The following FBN2 variants were observed in gnomAD, a reference collection of about 807,000 sequenced individuals.
FBN2 encodes the protein fibrillin-2.
In FBN2, 105 loss-of-function variants were observed where a neutral mutation model predicts 355.6. That is an observed-to-expected ratio of 0.30 (90% CI 0.25 to 0.35). FBN2 has a LOEUF of 0.35. Ranked by LOEUF, FBN2 falls within the 10% of genes least tolerant of loss-of-function variation. The pLI, the probability that FBN2 is intolerant of heterozygous loss-of-function variation, is 1.00. For missense variants in FBN2, 3,280 were observed against 3,758.7 expected (o/e 0.87, Z 3.33); for synonymous variants, 1,350 against 1,301.2 (o/e 1.04, Z -0.81).
At chr5:128,348,179 G>A (rs1455866209) in intron 23 of FBN2, among the ~76,000 whole-genome samples, 5 of 152,140 alleles carry the variant, frequency 3.3e-5, no homozygotes, top group African/African-American at 1.2e-4. Context: ...TTTCATTATA[G>A]AAGGTAACTT....
chr5:128,395,282 T>C lies in FBN2; in HGVS notation c.1079-8A>G, dbSNP rs761013637. 6.2e-7 allele frequency: 1 copy of C among 1,614,026 alleles called. No homozygotes were observed. The highest frequency in any genetic ancestry group is 8.5e-7 in the Non-Finnish European group (1 of 1,179,994). ...ACATGCCTGTTCTCTGATCTGTGCA[T>C]GTATAAATAAGACAGAAGATATGGC... On this transcript the variant is annotated splice_polypyrimidine_tract_variant and splice_region_variant and intron_variant, in intron 8 of 64. Transcript: ENST00000262464.
At chr5:128,340,253 T>C (rs1457756719) in intron 25 of FBN2, among the ~76,000 whole-genome samples, 1 of 152,166 alleles carries the variant, frequency 6.6e-6, no homozygotes, top group East Asian at 1.9e-4. Flanking sequence ...AATTTTGAAG[T>C]TTTAAAATCA....
At chr5:128,530,530 A>G in intron 3 of FBN2, 65 bp downstream of exon 3, 3 of 1,042,730 alleles carry the variant, frequency 2.9e-6, no homozygotes, top group Non-Finnish European at 4.5e-6. Context: ...ACATAGAAGG[A>G]CCTTTAGCAT....
intron 5 of FBN2, among the ~76,000 whole-genome samples, chr5:128,480,029 TAC>T (rs762120121): frequency 0.067 from 6,989 of 103,616 alleles, 360 homozygotes; most frequent in African/African-American, 0.11. Context: ...TATATGTATA[TAC>T]ACACACACAC....
At chr5:128,385,081 A>G (rs1752330764) in intron 11 of FBN2, among the ~76,000 whole-genome samples, 1 of 152,100 alleles carries the variant, frequency 6.6e-6, no homozygotes, top group South Asian at 2.1e-4. Flanking sequence ...TTTTACATTC[A>G]GGGAGTACAA....
chr5:128,390,425 T>C (rs565424609), intron 11 of FBN2, among the ~76,000 whole-genome samples: 4 of 152,182 alleles, frequency 2.6e-5, no homozygotes, highest in South Asian at 2.1e-4. Context: ...AGAGCAATGA[T>C]AGTTGCTTAG....
chr5:128,332,924 T>G lies in FBN2; in HGVS notation c.4210A>C (p.Ile1404Leu). 1 of 1,614,020 alleles carries G rather than the reference T, an allele frequency of 6.2e-7. No homozygotes were observed. Among genetic ancestry groups the G allele is most frequent in the African/African-American group, 1.3e-5 (1 of 75,046 alleles). The stretch of plus-strand genomic sequence containing the variant: ...TTTGCAAACTCACCAATACACTTGA[T>G]GCCGTTTCCAATCCAGCCTTCTCTG... ...SCREGWIGNG[I>L]KCIDLDECSN... The change falls in exon 32 of 65, where the codon ATC (isoleucine) becomes CTC (leucine). Residue 1404 changes from isoleucine to leucine, a missense_variant. By Grantham distance (5) the Ile-to-Leu change is conservative. Coordinates refer to ENST00000262464, the MANE Select transcript of FBN2 (RefSeq NM_001999.4).
intron 6 of FBN2, among the ~76,000 whole-genome samples, chr5:128,456,532 G>T (rs1445606589): frequency 6.6e-6 from 1 of 152,154 alleles, no homozygotes; most frequent in Non-Finnish European, 1.5e-5. Flanking sequence ...ATAGAGGAGA[G>T]ATCCTACTGG....
chr5:128,289,060 G>C, intron 52 of FBN2, 67 bp downstream of exon 52: 1 of 1,543,408 alleles, frequency 6.5e-7, no homozygotes, highest in Middle Eastern at 1.8e-4. Flanking sequence ...GTACCTGAGA[G>C]ACCTTTTACT....
chr5:128,408,139 G>A (rs1178593755), intron 8 of FBN2, among the ~76,000 whole-genome samples: 4 of 152,072 alleles, frequency 2.6e-5, no homozygotes, highest in Admixed American at 6.6e-5. Context: ...CTCTATGCTC[G>A]CAATAAGACA....
chr5:128,329,975 G>A (rs1750649609), intron 33 of FBN2, among the ~76,000 whole-genome samples: 2 of 152,086 alleles, frequency 1.3e-5, no homozygotes, highest in Admixed American at 1.3e-4. Flanking sequence ...CTGAAATTTT[G>A]TGATGTGTTC....
At position 128,377,807 on chromosome 5, in the gene FBN2, G is replaced by A; in HGVS notation, c.1794C>T (p.Phe598=). The change falls in exon 13 of 65, where the codon TTC becomes TTT. Residue 598 remains phenylalanine (F), a synonymous_variant. Coordinates refer to ENST00000262464, the MANE Select transcript of FBN2 (RefSeq NM_001999.4). The part of the protein sequence containing the change: ...NGRCVNTDGS[F]QCICNAGFEL... ...CAAAGCCGGCATTGCAAATGCACTG[G>A]AAACTTCCATCTGTGTTCACGCATC... 6.2e-7 allele frequency: 1 copy of A among 1,613,488 alleles called. No homozygotes were observed. The highest frequency in any genetic ancestry group is 8.5e-7 in the Non-Finnish European group (1 of 1,179,592).
At chr5:128,351,631 T>C (rs1353318423) in intron 20 of FBN2, among the ~76,000 whole-genome samples, 1 of 152,088 alleles carries the variant, frequency 6.6e-6, no homozygotes, top group East Asian at 1.9e-4. Flanking sequence ...ATATTACATA[T>C]ATGTAAATAA....
chr5:128,404,588 T>G (rs1308338259), intron 8 of FBN2, among the ~76,000 whole-genome samples: 1 of 152,232 alleles, frequency 6.6e-6, no homozygotes, highest in Non-Finnish European at 1.5e-5. Context: ...ACATTCAATA[T>G]CATCTCATTC....
intron 4 of FBN2, among the ~76,000 whole-genome samples, chr5:128,523,952 C>G (rs1256078065): frequency 6.6e-6 from 1 of 152,030 alleles, no homozygotes; most frequent in African/African-American, 2.4e-5. Flanking sequence ...AGGCTCAACA[C>G]AGCAGACAGG....
chr5:128,289,781 CTA>C (rs1350134525), intron 51 of FBN2, 99 bp downstream of exon 51: 3 of 720,598 alleles, frequency 4.2e-6, no homozygotes, highest in East Asian at 5.4e-5. Flanking sequence ...ATACAATATA[CTA>C]TATGTTACAT....
At chr5:128,465,395 C>A (rs528107994) in intron 5 of FBN2, among the ~76,000 whole-genome samples, 2 of 152,230 alleles carry the variant, frequency 1.3e-5, no homozygotes, top group East Asian at 3.9e-4. Context: ...CTTCCTGGGC[C>A]CTGAAGGCAT....
chr5:128,408,252 A>G (rs1012533394), intron 8 of FBN2, among the ~76,000 whole-genome samples: 3 of 152,314 alleles, frequency 2.0e-5, no homozygotes, highest in Admixed American at 1.3e-4. Context: ...TTTTAATTTG[A>G]ATATATTTAA....
chr5:128,428,924 A>T (rs1753549728), intron 7 of FBN2, among the ~76,000 whole-genome samples: 1 of 151,854 alleles, frequency 6.6e-6, no homozygotes. Context: ...AGGGATAATA[A>T]CTCCTCTACC....
Sources: gnomAD v4.1 joint callset for allele counts (sites outside exome capture counted in the v4.1 genomes callset) on GRCh38, gnomAD v4.1.1 for gene constraint, MANE v1.5 for transcripts, NCBI Gene and HGNC (gene_info 2026-07-23, HGNC 2026-07-21) for gene names.